The following PDE10A variants were observed in gnomAD, a reference collection of about 807,000 sequenced individuals.
PDE10A encodes phosphodiesterase 10A, also known as cAMP and cAMP-inhibited cGMP 3',5'-cyclic phosphodiesterase 10A.
Under a neutral mutation model 97.7 loss-of-function variants are expected in PDE10A, and 39 were observed. That is an observed-to-expected ratio of 0.40 (90% CI 0.31 to 0.52). The LOEUF (loss-of-function observed/expected upper bound fraction) is 0.52. PDE10A is among the 20% of genes least tolerant of loss of function. PDE10A has a pLI of 0.56. For synonymous variants in PDE10A, 371 were observed against 376.8 expected (o/e 0.98, Z 0.18); for missense variants, 731 against 1,047.8 (o/e 0.70, Z 4.17).
At chr6:165,511,389 GA>G (rs1488503904) in intron 2 of PDE10A, among the ~76,000 whole-genome samples, 1 of 151,172 alleles carries the variant, frequency 6.6e-6, no homozygotes, top group Non-Finnish European at 1.5e-5. Context: ...GAAGATACTT[GA>G]TTTCAAAATT....
At chr6:165,570,255 G>A (rs1583561516) in intron 1 of PDE10A, among the ~76,000 whole-genome samples, 5 of 152,026 alleles carry the variant, frequency 3.3e-5, no homozygotes, top group Non-Finnish European at 2.9e-5. Flanking sequence ...TTTAATAACT[G>A]GACAAATATT....
chr6:165,649,457 C>G (rs533276640), intron 1 of PDE10A, among the ~76,000 whole-genome samples: 1 of 152,054 alleles, frequency 6.6e-6, no homozygotes, highest in Non-Finnish European at 1.5e-5. Flanking sequence ...AGGGCAAACA[C>G]GGGAATCTAA....
In PDE10A at chr6:165,662,113, G is replaced by A. The variant is rs1434930956; in HGVS notation, c.699C>T (p.Phe233=). The change falls in exon 1 of 22, where the codon TTC becomes TTT. Residue 233 remains phenylalanine (F), a synonymous_variant. Coordinates refer to ENST00000539869, the MANE Select transcript of PDE10A (RefSeq NM_001385079.1). ...QAARRAGSPG[F]PGAGPGGGGQ... Reference sequence around the variant, plus strand: ...CGCCGCCGCCTGGGCCGGCGCCGGGGAAGCCGGGGGAGCCCGCGCGGCGGG... The same window carrying A: ...CGCCGCCGCCTGGGCCGGCGCCGGGAAAGCCGGGGGAGCCCGCGCGGCGGG... 12 of 1,020,902 alleles carry A rather than the reference G, an allele frequency of 1.2e-5. No homozygotes were observed. Among genetic ancestry groups the A allele is most frequent in the Non-Finnish European group, 7.1e-6 (6 of 845,482 alleles). 63.2% of individuals were successfully genotyped at this position (1,020,902 alleles called of 1,614,324 possible).
rs571190458 is a variant in PDE10A, at chr6:165,410,708, G to A, written c.2076+2793C>T. ...CGAAGCACATGCCTGCTAACAGGAT[G>A]CACTGAGGACACATCCGCACGTGAA... On this transcript the variant is annotated intron_variant, in intron 13 of 21. Transcript: ENST00000539869. Among the ~76,000 whole-genome samples, 38 of 152,142 alleles carry A rather than the reference G, an allele frequency of 2.5e-4. 1 individual carries two copies. The highest frequency in any genetic ancestry group is 5.1e-4 in the Non-Finnish European group (35 of 68,000).
At chr6:165,837,973 C>T (rs1780114482) in intron 1 of PDE10A, among the ~76,000 whole-genome samples, 2 of 152,126 alleles carry the variant, frequency 1.3e-5, no homozygotes, top group Admixed American at 6.5e-5. Context: ...GCGTGAGCCA[C>T]CTATATCTCT....
At chr6:165,450,829 CTGGGATTGAAGGCA>C in intron 3 of PDE10A, among the ~76,000 whole-genome samples, 1 of 152,092 alleles carries the variant, frequency 6.6e-6, no homozygotes, top group African/African-American at 2.4e-5. Context: ...TCTCAAAGTG[CTGGGATTGAAGGCA>C]TGAGCCACTG....
At position 165,357,521 on chromosome 6, in the gene PDE10A, GGTTT is replaced by G. The variant is rs369349670; in HGVS notation, c.2784-14023_2784-14020del. Among the ~76,000 whole-genome samples the G allele has an allele frequency of 2.2e-3, 339 of 152,020 alleles. 15 individuals carry two copies. The South Asian group carries it at 0.049, about 22-fold the overall frequency. ...TGAGGCCTGGTCCTGAGGGATGGGT[GGTTT>G]GTTTGTTTGTTTGTTTTAAGATTAG... On this transcript the variant is annotated intron_variant, in intron 18 of 21. Transcript: ENST00000539869.
chr6:165,378,368 G>A (rs141193801), intron 18 of PDE10A, among the ~76,000 whole-genome samples: 2 of 152,286 alleles, frequency 1.3e-5, no homozygotes, highest in African/African-American at 2.4e-5. Context: ...CCAGCCTAGG[G>A]ATAAAGATGT....
At chr6:165,962,196 A>G (rs1203932838) in intron 1 of PDE10A, among the ~76,000 whole-genome samples, 1 of 152,192 alleles carries the variant, frequency 6.6e-6, no homozygotes, top group Non-Finnish European at 1.5e-5. Context: ...AACTGACCAG[A>G]TATCTATGTG....
chr6:165,913,271 TGTACACAC>T (rs1304297761), intron 1 of PDE10A, among the ~76,000 whole-genome samples: 4 of 106,234 alleles, frequency 3.8e-5, no homozygotes, highest in African/African-American at 1.6e-4. Flanking sequence ...ACACTCAACT[TGTACACAC>T]ACACACACAC....
chr6:165,930,353 G>A (rs187368187), intron 1 of PDE10A, among the ~76,000 whole-genome samples: 14 of 152,346 alleles, frequency 9.2e-5, no homozygotes, highest in Admixed American at 9.1e-4. Context: ...CAAGAGAAGA[G>A]AGAGGGTGTG....
intron 2 of PDE10A, among the ~76,000 whole-genome samples, chr6:165,513,421 AAACT>A (rs1407378976): frequency 3.3e-5 from 5 of 152,144 alleles, no homozygotes; most frequent in African/African-American, 4.8e-5. Flanking sequence ...AGTACAAAAT[AAACT>A]AACATACAGT....
intron 1 of PDE10A, among the ~76,000 whole-genome samples, chr6:165,695,474 C>G (rs1791421444): frequency 6.6e-6 from 1 of 152,186 alleles, no homozygotes. Flanking sequence ...GGAGGACTTT[C>G]CTCCTTGGGA....
intron 1 of PDE10A, among the ~76,000 whole-genome samples, chr6:165,546,848 G>T (rs1233557203): frequency 6.6e-6 from 1 of 152,044 alleles, no homozygotes; most frequent in African/African-American, 2.4e-5. Flanking sequence ...TTACATATAG[G>T]AATATTGGTA....
rs143142153 is a variant in PDE10A, at chr6:165,705,013, C to T, written c.-614-161445G>A. 6.2e-3 allele frequency among the ~76,000 whole-genome samples: 950 copies of T among 152,328 alleles called. 5 individuals carry two copies. The highest frequency in any genetic ancestry group is 9.5e-3 in the Non-Finnish European group (648 of 68,030). ...CACTCTTCACTGCAGACCCTGCTGT[C>T]CCTGTTTGCCATGTCTCAAAGCACG... On this transcript the variant is annotated intron_variant, in intron 1 of 19. Coordinates refer to the PDE10A transcript ENST00000366882.
At chr6:165,681,590 A>G (rs970618099) in intron 1 of PDE10A, among the ~76,000 whole-genome samples, 8 of 152,252 alleles carry the variant, frequency 5.3e-5, no homozygotes, top group African/African-American at 1.9e-4. Context: ...CCGGTCTAGC[A>G]CAAGGCTACC....
intron 10 of PDE10A, among the ~76,000 whole-genome samples, chr6:165,420,436 T>G (rs542570155): frequency 6.6e-6 from 1 of 152,236 alleles, no homozygotes; most frequent in South Asian, 2.1e-4. Flanking sequence ...ATGAATGACA[T>G]AAAGGCACAG....
intron 1 of PDE10A, among the ~76,000 whole-genome samples, chr6:165,735,967 C>G (rs535782369): frequency 8.5e-5 from 13 of 152,214 alleles, no homozygotes; most frequent in African/African-American, 3.1e-4. Flanking sequence ...AGAGTCTTCA[C>G]CAATCAGAAT....
chr6:165,457,788 T>G (rs1778047507), intron 3 of PDE10A, among the ~76,000 whole-genome samples: 2 of 150,014 alleles, frequency 1.3e-5, no homozygotes, highest in South Asian at 4.2e-4. Context: ...TAATTGTTGG[T>G]TCAGAAAGAA....
Sources: allele counts gnomAD v4.1 joint callset (sites outside exome capture counted in the v4.1 genomes callset), GRCh38; gene constraint gnomAD v4.1.1; transcripts MANE v1.5; gene names NCBI Gene and HGNC (gene_info 2026-07-23, HGNC 2026-07-21).